The following ARCN1 variants were observed in gnomAD, a reference collection of about 807,000 sequenced individuals.
ARCN1 encodes the protein coatomer subunit delta.
A neutral mutation model predicts 60.4 loss-of-function variants in ARCN1; 5 were observed. The ratio of observed to expected loss-of-function variants is 0.08; its 90% CI spans 0.04 to 0.17. ARCN1 has a LOEUF of 0.17. ARCN1 is among the 10% of genes least tolerant of loss of function. The pLI, the probability that ARCN1 is intolerant of heterozygous loss-of-function variation, is 1.00. For missense variants in ARCN1, 464 were observed against 626.5 expected (o/e 0.74, Z 2.77); for synonymous variants, 224 against 220.0 (o/e 1.02, Z -0.16).
At chr11:118,572,983 C>T (rs782778049) in intron 1 of ARCN1, 16 of 194,928 alleles carry the variant, frequency 8.2e-5, no homozygotes, top group Non-Finnish European at 1.5e-4. Context: ...AGCTTGTCTC[C>T]CACCCCCGGT....
intron 2 of ARCN1, 152 bp from the exon 3 acceptor site, chr11:118,583,027 C>G: frequency 1.2e-6 from 1 of 865,484 alleles, no homozygotes; most frequent in Non-Finnish European, 1.7e-6. Context: ...GGCAGCAGAG[C>G]GAGACTCTGT....
intron 5 of ARCN1, among the ~76,000 whole-genome samples, chr11:118,588,241 A>G (rs1267520484): frequency 3.3e-5 from 5 of 152,184 alleles, no homozygotes; most frequent in African/African-American, 1.2e-4. Context: ...GGCCTGTCCA[A>G]ATTCTTGGCC....
chr11:118,584,269 A>G (rs1938727623), intron 4 of ARCN1, among the ~76,000 whole-genome samples: 1 of 152,148 alleles, frequency 6.6e-6, no homozygotes, highest in Admixed American at 6.6e-5. Flanking sequence ...TGTGGGGAGG[A>G]AAGGGCTATT....
chr11:118,590,258 G>T (rs1471949662), intron 5 of ARCN1, 83 bp from the exon 6 acceptor site: 17 of 1,217,590 alleles, frequency 1.4e-5, no homozygotes, highest in Non-Finnish European at 1.6e-5. Context: ...GCCTCCCAAA[G>T]TGCTGGGGTT....
At chr11:118,596,066 CAA>C (rs545024182) in intron 8 of ARCN1, among the ~76,000 whole-genome samples, 9 of 130,048 alleles carry the variant, frequency 6.9e-5, no homozygotes, top group Non-Finnish European at 5.0e-5. Flanking sequence ...GATTCCGTCT[CAA>C]AAAAAAAAAA....
intron 9 of ARCN1, among the ~76,000 whole-genome samples, chr11:118,600,138 A>G (rs1283610394): frequency 1.3e-5 from 2 of 152,206 alleles, no homozygotes; most frequent in Non-Finnish European, 2.9e-5. Flanking sequence ...CTGGACATTT[A>G]TTTATTTAAA....
rs1555078402 is a variant in ARCN1, at chr11:118,602,892, C to G, written c.*2178C>G. 6.5e-6 allele frequency: 1 copy of G among 153,538 alleles called. No individual in the cohort carries two copies. Among genetic ancestry groups the G allele is most frequent in the Non-Finnish European group, 1.5e-5 (1 of 68,022 alleles). The allele number at this position is 153,538 out of a possible 1,614,324, so 9.5% of individuals were successfully genotyped here. On this transcript the variant is annotated 3_prime_UTR_variant, in exon 10 of 10. Coordinates refer to ENST00000264028, the MANE Select transcript of ARCN1 (RefSeq NM_001655.5). ...AACATTCCAGTGTATACAAAGAAGG[C>G]AAATTCTTTAATCAAATAAAGCGCA...
chr11:118,593,887 G>A (rs1034941984), intron 8 of ARCN1, 189 bp downstream of exon 8: 40 of 448,358 alleles, frequency 8.9e-5, no homozygotes, highest in Non-Finnish European at 1.4e-4. Context: ...TTCTGGAAAA[G>A]GTAATACTAT....
At chr11:118,593,530 C>A in intron 7 of ARCN1, 60 bp from the exon 8 acceptor site, 1 of 1,201,226 alleles carries the variant, frequency 8.3e-7, no homozygotes, top group Non-Finnish European at 1.2e-6. Flanking sequence ...CAGGCATGAG[C>A]CACTGCACCC....
intron 8 of ARCN1, among the ~76,000 whole-genome samples, chr11:118,594,962 G>T (rs1429064059): frequency 3.3e-5 from 5 of 152,152 alleles, no homozygotes; most frequent in Admixed American, 3.3e-4. Flanking sequence ...CGATTCTCGT[G>T]CCTCAGTCTC....
intron 1 of ARCN1, chr11:118,573,914 G>A (rs1938419467): frequency 4.4e-6 from 2 of 456,922 alleles, no homozygotes; most frequent in Non-Finnish European, 7.8e-6. Context: ...CTCAGTTCCC[G>A]TTTACACCCT....
rs1433297897 is a variant in ARCN1 at position 118,590,446 on chromosome 11, C to A, written c.924C>A (p.Asp308Glu). 1 of 1,614,030 alleles carries A rather than the reference C, an allele frequency of 6.2e-7. No individual in the cohort carries two copies. Among genetic ancestry groups the A allele is most frequent in the African/African-American group, 1.3e-5 (1 of 74,906 alleles). ...TGATCATGCTTAGGATCTCAGATGACAAGTATGGCCGAATTCGTCTTCATG... is the reference window on the plus strand; with the variant it reads ...TGATCATGCTTAGGATCTCAGATGAAAAGTATGGCCGAATTCGTCTTCATG... The part of the protein sequence containing the change: ...HGMIMLRISD[D>E]KYGRIRLHVE... Residue 308 changes from aspartate (D) to glutamate (E), a missense_variant, in exon 6 of 10, where the codon GAC becomes GAA. This residue lies in a region of ARCN1 where 359 missense variants were observed against 440.2 expected (regional missense o/e 0.82). Transcript: ENST00000264028.
chr11:118,592,941 C>G, intron 7 of ARCN1, 85 bp downstream of exon 7: 1 of 1,348,116 alleles, frequency 7.4e-7, no homozygotes, highest in Non-Finnish European at 1.0e-6. Context: ...ATTTTTATTA[C>G]CATAGCAAAG....
At chr11:118,589,422 C>T (rs1338574214) in intron 5 of ARCN1, among the ~76,000 whole-genome samples, 3 of 151,734 alleles carry the variant, frequency 2.0e-5, no homozygotes, top group Non-Finnish European at 4.4e-5. Context: ...GTGGATATGC[C>T]TTTATTTTTT....
Position 118,583,229 on chromosome 11 carries a change from T to C in ARCN1, c.318T>C (p.Cys106=). The change falls in exon 3 of 10, where the codon TGT becomes TGC. Residue 106 remains cysteine (C), a synonymous_variant. Transcript: ENST00000264028. ...AAGAGAATGAAATATCTGAGCACTG[T>C]TTTGATTTGATTTTTGCTTTTGATG... The part of the protein sequence containing the change: ...ALEENEISEH[C]FDLIFAFDEI... 6.2e-7 allele frequency: 1 copy of C among 1,614,070 alleles called. No individual in the cohort carries two copies. Among genetic ancestry groups the C allele is most frequent in the African/African-American group, 1.3e-5 (1 of 75,000 alleles).
chr11:118,576,846 CAT>C (rs1241407714), intron 1 of ARCN1, among the ~76,000 whole-genome samples: 20 of 152,116 alleles, frequency 1.3e-4, no homozygotes, highest in African/African-American at 4.1e-4. Flanking sequence ...CAAAGAGAGA[CAT>C]ATGATTTTAC....
rs1361432735 is a variant in ARCN1 at position 118,581,925 on chromosome 11, G to GACACACACAC, written c.267+419_267+420insCACACACACA. On this transcript the variant is annotated intron_variant, in intron 2 of 9. Transcript: ENST00000264028. ...GGTAAGACTTACTGATCCAGAGACA[G>GACACACACAC]ACAGACAGACAGACACACACACACA... Among the ~76,000 whole-genome samples the GACACACACAC allele has an allele frequency of 1.4e-3, 166 of 121,078 alleles. 2 individuals carry two copies. Among genetic ancestry groups the GACACACACAC allele is most frequent in the East Asian group, 0.013 (19 of 1,514 alleles). 79.4% of individuals were successfully genotyped at this position (121,078 alleles called of 152,430 possible).
rs1218244799 is a variant in ARCN1, at chr11:118,602,431, G to A, written c.*1717G>A. The A allele has an allele frequency of 6.5e-6, 1 of 153,840 alleles. No individual in the cohort carries two copies. Among genetic ancestry groups the A allele is most frequent in the Non-Finnish European group, 1.5e-5 (1 of 68,100 alleles). 9.5% of individuals were successfully genotyped at this position (153,840 alleles called of 1,614,324 possible). A position where few individuals can be genotyped will look rare whatever the true frequency, so the allele number is the denominator to read the frequency against. On this transcript the variant is annotated 3_prime_UTR_variant, in exon 10 of 10. Transcript: ENST00000264028. The stretch of plus-strand genomic sequence containing the variant: ...GCTGCAGGCACTGGCAGTGGGAAGA[G>A]GCAGACGACTAGATGACTTCTGCAC...
rs1464209753 is a variant in ARCN1 at position 118,572,428 on chromosome 11, C to T, written c.-120C>T. 1.2e-5 allele frequency: 11 copies of T among 931,046 alleles called. No homozygotes were observed. The highest frequency in any genetic ancestry group is 3.2e-5 in the Admixed American group (1 of 31,682). The allele number at this position is 931,046 out of a possible 1,614,324, so 57.7% of individuals were successfully genotyped here. ...GCCGCCATCTTGGCAAGAGGCGAAG[C>T]GGCAGCGGTTCCTGTCAAGGGGGCA... is the stretch of plus-strand genomic sequence containing the variant. On this transcript the variant is annotated 5_prime_UTR_variant, in exon 1 of 10. Transcript: ENST00000264028.
Sources: allele counts gnomAD v4.1 joint callset (sites outside exome capture counted in the v4.1 genomes callset), GRCh38; gene constraint gnomAD v4.1.1; regional missense constraint gnomAD v4.1.1; transcripts MANE v1.5; gene names NCBI Gene and HGNC (gene_info 2026-07-23, HGNC 2026-07-21).